SEMA3E: variants seen among roughly 807,000 people sequenced by gnomAD.
The protein encoded by SEMA3E is semaphorin-3E.
SEMA3E carries 49 observed loss-of-function variants against 93.6 expected under a neutral mutation model. That is an observed-to-expected ratio of 0.52 (90% CI 0.42 to 0.66). The LOEUF (loss-of-function observed/expected upper bound fraction) is 0.66, where lower values mean the gene tolerates loss of function less well. SEMA3E is among the 30% of genes least tolerant of loss of function. The pLI is 0.00. For missense variants in SEMA3E, 906 were observed against 964.8 expected (o/e 0.94, Z 0.81); for synonymous variants, 363 against 330.7 (o/e 1.10, Z -1.06).
intron 2 of SEMA3E, among the ~76,000 whole-genome samples, chr7:83,475,590 C>A (rs1789993123): frequency 6.6e-6 from 1 of 152,128 alleles, no homozygotes; most frequent in Non-Finnish European, 1.5e-5. Flanking sequence ...CCACGCATCA[C>A]CCCCTGCAGG....
chr7:83,640,529 G>A (rs1167718630), intron 1 of SEMA3E, among the ~76,000 whole-genome samples: 1 of 152,120 alleles, frequency 6.6e-6, no homozygotes, highest in Non-Finnish European at 1.5e-5. Flanking sequence ...CATTGTCCAG[G>A]TGGCTAGTAA....
At chr7:83,371,520 T>G (rs1794748707) in intron 16 of SEMA3E, 1 of 152,216 alleles carries the variant, frequency 6.6e-6, no homozygotes, top group Non-Finnish European at 1.5e-5. Context: ...TCTTTAATTT[T>G]GGTTCAATAT....
At chr7:83,584,516 G>C (rs1792580552) in intron 1 of SEMA3E, among the ~76,000 whole-genome samples, 1 of 152,118 alleles carries the variant, frequency 6.6e-6, no homozygotes, top group African/African-American at 2.4e-5. Context: ...CAGTCAGTTT[G>C]TATACTGGAA....
At chr7:83,556,468 G>A (rs1191892104) in intron 1 of SEMA3E, among the ~76,000 whole-genome samples, 2 of 152,092 alleles carry the variant, frequency 1.3e-5, no homozygotes, top group African/African-American at 4.8e-5. Flanking sequence ...ATGCTATCAT[G>A]TATGTTACAT....
chr7:83,517,027 T>C (rs2115671148), intron 1 of SEMA3E, among the ~76,000 whole-genome samples: 1 of 152,076 alleles, frequency 6.6e-6, no homozygotes, highest in Admixed American at 6.6e-5. Context: ...AGTGTTTTAC[T>C]TACTGGATAC....
At chr7:83,482,338 G>A (rs1466737288) in intron 2 of SEMA3E, among the ~76,000 whole-genome samples, 1 of 151,984 alleles carries the variant, frequency 6.6e-6, no homozygotes, top group Non-Finnish European at 1.5e-5. Context: ...AGGCCGAGGC[G>A]GGTGGATCAC....
chr7:83,587,322 TA>T (rs1281981397), intron 1 of SEMA3E, among the ~76,000 whole-genome samples: 1 of 152,104 alleles, frequency 6.6e-6, no homozygotes, highest in East Asian at 1.9e-4. Context: ...ATATGAAGAA[TA>T]TAGGGAATAT....
intron 10 of SEMA3E, 134 bp from the exon 11 acceptor site, chr7:83,400,384 C>T: frequency 1.2e-6 from 1 of 817,202 alleles, no homozygotes; most frequent in Admixed American, 2.4e-5. Flanking sequence ...ATTTAGTAAT[C>T]ATATATTTTT....
chr7:83,578,285 T>A (rs1005677652), intron 1 of SEMA3E, among the ~76,000 whole-genome samples: 9 of 152,082 alleles, frequency 5.9e-5, no homozygotes, highest in African/African-American at 2.2e-4. Flanking sequence ...CTATTGTAGT[T>A]AATAAAAGAT....
At chr7:83,386,327 A>T (rs908575506) in intron 15 of SEMA3E, among the ~76,000 whole-genome samples, 6 of 152,084 alleles carry the variant, frequency 3.9e-5, no homozygotes, top group Non-Finnish European at 5.9e-5. Context: ...CCTTCTTATT[A>T]TTACTTCCTA....
intron 1 of SEMA3E, among the ~76,000 whole-genome samples, chr7:83,582,209 A>C (rs1243861058): frequency 1.3e-5 from 2 of 150,706 alleles, no homozygotes; most frequent in Non-Finnish European, 3.0e-5. Context: ...AAATTACATT[A>C]AAACAAATAC....
At chr7:83,564,274 C>T (rs541905178) in intron 1 of SEMA3E, among the ~76,000 whole-genome samples, 29 of 152,142 alleles carry the variant, frequency 1.9e-4, no homozygotes, top group Admixed American at 1.9e-3. Flanking sequence ...CAAAAATTAG[C>T]CAGGCTTGGT....
chr7:83,537,373 G>C (rs1002303664), intron 1 of SEMA3E, among the ~76,000 whole-genome samples: 6 of 152,098 alleles, frequency 3.9e-5, no homozygotes, highest in African/African-American at 1.4e-4. Context: ...ACAATCCCTA[G>C]AGCAGTGGTC....
At chr7:83,611,254 T>C (rs1486709182) in intron 1 of SEMA3E, among the ~76,000 whole-genome samples, 2 of 144,102 alleles carry the variant, frequency 1.4e-5, no homozygotes, top group African/African-American at 2.5e-5. Flanking sequence ...TATATATTTA[T>C]ATATATTATA....
chr7:83,505,380 CAAAT>C (rs1167085441), intron 1 of SEMA3E, among the ~76,000 whole-genome samples: 1 of 152,120 alleles, frequency 6.6e-6, no homozygotes, highest in African/African-American at 2.4e-5. Context: ...TAACCTCAAA[CAAAT>C]AAAAGGAGAT....
At chr7:83,457,592 T>C (rs1238111243) in intron 4 of SEMA3E, among the ~76,000 whole-genome samples, 2 of 152,184 alleles carry the variant, frequency 1.3e-5, no homozygotes, top group Non-Finnish European at 2.9e-5. Flanking sequence ...TTCCTTTTCT[T>C]TCCTATTGCA....
intron 13 of SEMA3E, 30 bp downstream of exon 13, chr7:83,394,267 C>T: frequency 1.4e-6 from 2 of 1,468,674 alleles, no homozygotes. Context: ...AGAACACACA[C>T]ACCTACACAC....
intron 16 of SEMA3E, chr7:83,372,517 G>GT (rs1474981132): frequency 3.1e-6 from 1 of 319,310 alleles, no homozygotes; most frequent in Non-Finnish European, 5.7e-6. Context: ...TTTGTTGCTT[G>GT]TTTTTTCAAG....
At chr7:83,464,009 C>A (rs892276204) in intron 4 of SEMA3E, among the ~76,000 whole-genome samples, 36 of 152,240 alleles carry the variant, frequency 2.4e-4, no homozygotes, top group African/African-American at 7.5e-4. Context: ...GTCATTTCTT[C>A]CATTCTGTCA....
Sources: allele counts gnomAD v4.1 joint callset (sites outside exome capture counted in the v4.1 genomes callset), GRCh38; gene constraint gnomAD v4.1.1; transcripts MANE v1.5; gene names NCBI Gene and HGNC (gene_info 2026-07-23, HGNC 2026-07-21).